KIAA1217: variants seen among roughly 807,000 people sequenced by gnomAD.
KIAA1217 encodes the protein sickle tail protein homolog.
A neutral mutation model predicts 163.9 loss-of-function variants in KIAA1217; 88 were observed. The observed-to-expected ratio is 0.54, with a 90% CI of 0.45 to 0.64. The LOEUF (loss-of-function observed/expected upper bound fraction) is 0.64, where lower values mean the gene tolerates loss of function less well. KIAA1217 is among the 30% of genes least tolerant of loss of function. The pLI is 0.00. For missense variants in KIAA1217, 2,372 were observed against 2,475.0 expected, an observed-to-expected ratio of 0.96 and a Z score of 0.88; for synonymous variants, 903 against 923.1, an observed-to-expected ratio of 0.98 and a Z score of 0.39.
At chr10:24,496,088 T>C (rs190771513) in intron 8 of KIAA1217, among the ~76,000 whole-genome samples, 1 of 152,378 alleles carries the variant, frequency 6.6e-6, no homozygotes, top group African/African-American at 2.4e-5. Context: ...ATATGGCAAG[T>C]TGGGTGAAAC....
rs775612291 is a variant in KIAA1217 at position 24,381,014 on chromosome 10, G to A, written c.500G>A (p.Arg167His). ...PTPFSRGSRT[R>H]ASLPVVRSTN... is the part of the protein sequence containing the mutation. ...CCTTTTTCCAGAGGCAGCCGGACTC[G>A]TGCGAGCCTTCCTGTGGTGAGGTCA... is the stretch of plus-strand genomic sequence containing the variant. The change falls in exon 3 of 21, where the codon CGT becomes CAT. Residue 167 changes from arginine (R) to histidine (H), a missense_variant. Arg to His is a conservative substitution (Grantham distance 29). This residue lies in a region of KIAA1217 where 1,431 missense variants were observed against 1,470.3 expected (regional missense o/e 0.97). Coordinates refer to ENST00000376454, the MANE Select transcript of KIAA1217 (RefSeq NM_019590.5). 1.6e-5 allele frequency: 26 copies of A among 1,607,344 alleles called. No individual in the cohort carries two copies. Among genetic ancestry groups the A allele is most frequent in the East Asian group, 1.6e-4 (7 of 44,644 alleles).
chr10:24,279,357 A>G (rs950954631), intron 2 of KIAA1217, among the ~76,000 whole-genome samples: 3 of 151,930 alleles, frequency 2.0e-5, no homozygotes, highest in African/African-American at 7.3e-5. Flanking sequence ...CTTGACTTCA[A>G]AGTCTGTTGG....
chr10:24,094,780 C>T (rs2062082387), intron 2 of KIAA1217, among the ~76,000 whole-genome samples: 1 of 152,200 alleles, frequency 6.6e-6, no homozygotes. Flanking sequence ...GACAGGGACA[C>T]TTAAGTCTGC....
At chr10:24,346,072 GT>G (rs917166725) in intron 2 of KIAA1217, among the ~76,000 whole-genome samples, 34 of 152,162 alleles carry the variant, frequency 2.2e-4, no homozygotes, top group African/African-American at 7.7e-4. Context: ...TACTGAAAGT[GT>G]TTGGGTTTTT....
intron 2 of KIAA1217, among the ~76,000 whole-genome samples, chr10:24,333,872 A>G (rs2045997862): frequency 6.6e-6 from 1 of 152,238 alleles, no homozygotes; most frequent in African/African-American, 2.4e-5. Flanking sequence ...ATAAGTTATT[A>G]ATGTTAAGTA....
At chr10:24,345,286 C>T (rs544449244) in intron 2 of KIAA1217, among the ~76,000 whole-genome samples, 22 of 152,304 alleles carry the variant, frequency 1.4e-4, no homozygotes, top group African/African-American at 5.3e-4. Flanking sequence ...GCTTGAGTTC[C>T]CCTCCGCATG....
chr10:24,431,917 A>G (rs1224886416), intron 3 of KIAA1217, among the ~76,000 whole-genome samples: 1 of 152,146 alleles, frequency 6.6e-6, no homozygotes, highest in Non-Finnish European at 1.5e-5. Context: ...CGATATGAAC[A>G]TTCAATAAAT....
intron 1 of KIAA1217, among the ~76,000 whole-genome samples, chr10:23,856,784 G>T (rs1044238162): frequency 3.9e-5 from 6 of 152,238 alleles, no homozygotes; most frequent in African/African-American, 1.4e-4. Flanking sequence ...AGCAATCAGC[G>T]AGATTCTGTG....
intron 1 of KIAA1217, among the ~76,000 whole-genome samples, chr10:23,908,234 G>T (rs113558471): frequency 1.3e-5 from 2 of 152,084 alleles, no homozygotes; most frequent in Admixed American, 6.6e-5. Flanking sequence ...TCATGTAGGG[G>T]TATCTGATGC....
chr10:24,392,902 A>G (rs978131254), intron 3 of KIAA1217, among the ~76,000 whole-genome samples: 1 of 152,144 alleles, frequency 6.6e-6, no homozygotes, highest in Admixed American at 6.5e-5. Context: ...ACCATGCCTT[A>G]CTGTTTTCAT....
chr10:23,881,486 G>A (rs1463133967), intron 1 of KIAA1217, among the ~76,000 whole-genome samples: 1 of 151,892 alleles, frequency 6.6e-6, no homozygotes, highest in African/African-American at 2.4e-5. Flanking sequence ...GCAGCAAAAT[G>A]TATGTCTCCG....
intron 2 of KIAA1217, among the ~76,000 whole-genome samples, chr10:24,265,687 G>T (rs1184962535): frequency 6.6e-6 from 1 of 152,030 alleles, no homozygotes; most frequent in African/African-American, 2.4e-5. Context: ...AAAAAAATAG[G>T]ATTACTGTTT....
chr10:24,172,977 G>A (rs1432349730), intron 2 of KIAA1217, among the ~76,000 whole-genome samples: 2 of 152,116 alleles, frequency 1.3e-5, no homozygotes, highest in African/African-American at 4.8e-5. Context: ...CCTAAGCAGG[G>A]GTCCCCAACC....
At position 24,543,301 on chromosome 10, in the gene KIAA1217, A is replaced by G. The variant is rs2075330473; in HGVS notation, c.4031A>G (p.Asp1344Gly). The G allele has an allele frequency of 6.2e-7, 1 of 1,614,166 alleles. No homozygotes were observed. Among genetic ancestry groups the G allele is most frequent in the Non-Finnish European group, 8.5e-7 (1 of 1,180,028 alleles). ...KTEDQEVITT[D>G]FGQVVLRPKE... ...GAAGATCAAGAGGTTATCACGACAG[A>G]TTTTGGCCAAGTTGTTCTAAGACCC... Residue 1344 changes from aspartate (D) to glycine (G), a missense_variant, in exon 19 of 21, where the codon GAT becomes GGT. Coordinates refer to ENST00000376454, the MANE Select transcript of KIAA1217 (RefSeq NM_019590.5).
chr10:23,733,878 A>G lies in KIAA1217; in HGVS notation c.-321+38644A>G, dbSNP rs150469052. ...GAATCTTTGTCCTTGTATATTTTCC[A>G]GTTGCATTTTGTCTTTTATAAATTG... On this transcript the variant is annotated intron_variant, in intron 1 of 18. Coordinates refer to the KIAA1217 transcript ENST00000376462. 9.0e-3 allele frequency among the ~76,000 whole-genome samples: 1,377 copies of G among 152,242 alleles called. 18 individuals are homozygous for G. The highest frequency in any genetic ancestry group is 0.032 in the African/African-American group (1,311 of 41,548).
intron 1 of KIAA1217, among the ~76,000 whole-genome samples, chr10:23,851,419 A>T (rs1839314034): frequency 6.6e-6 from 1 of 152,180 alleles, no homozygotes; most frequent in African/African-American, 2.4e-5. Context: ...TCATTGTTGG[A>T]CATTTGAGTT....
At chr10:23,984,825 C>T (rs1845906647) in intron 1 of KIAA1217, among the ~76,000 whole-genome samples, 1 of 151,952 alleles carries the variant, frequency 6.6e-6, no homozygotes, top group African/African-American at 2.4e-5. Flanking sequence ...GGGCTTAAAA[C>T]CGAGATGATG....
At chr10:24,313,187 G>A (rs2133085190) in intron 2 of KIAA1217, among the ~76,000 whole-genome samples, 1 of 152,294 alleles carries the variant, frequency 6.6e-6, no homozygotes, top group East Asian at 1.9e-4. Context: ...CAACAGTAGA[G>A]CGGGACGTAT....
chr10:24,421,013 G>T (rs75654798), intron 3 of KIAA1217, among the ~76,000 whole-genome samples: 9,159 of 150,506 alleles, frequency 0.061, 268 homozygotes, highest in African/African-American at 0.074. Context: ...TTGTTTGTTT[G>T]TTTTGTTTTG....
Sources: allele counts gnomAD v4.1 joint callset (sites outside exome capture counted in the v4.1 genomes callset), GRCh38; gene constraint gnomAD v4.1.1; regional missense constraint gnomAD v4.1.1; transcripts MANE v1.5; gene names NCBI Gene and HGNC (gene_info 2026-07-23, HGNC 2026-07-21).